Variants in PPP6R3 observed in about 807,000 individuals in gnomAD.
The protein encoded by PPP6R3 is protein phosphatase 6 regulatory subunit 3.
Under a neutral mutation model 110.7 loss-of-function variants are expected in PPP6R3, and 38 were observed. The ratio of observed to expected loss-of-function variants is 0.34; its 90% CI spans 0.26 to 0.45. The LOEUF (loss-of-function observed/expected upper bound fraction) is 0.45. PPP6R3 is among the 20% of genes least tolerant of loss of function. PPP6R3 has a pLI of 1.00. For synonymous variants in PPP6R3, 369 were observed against 373.5 expected (o/e 0.99, Z 0.14); for missense variants, 870 against 1,062.4 (o/e 0.82, Z 2.52).
intron 2 of PPP6R3, among the ~76,000 whole-genome samples, chr11:68,522,036 A>C (rs1045848241): frequency 1.3e-5 from 2 of 152,236 alleles, no homozygotes; most frequent in East Asian, 3.8e-4. Flanking sequence ...TCAGTCCCCA[A>C]GCATATTACT....
chr11:68,508,471 G>A (rs2099090854), intron 1 of PPP6R3, among the ~76,000 whole-genome samples: 1 of 152,084 alleles, frequency 6.6e-6, no homozygotes, highest in Non-Finnish European at 1.5e-5. Context: ...ATATAAGAGT[G>A]ATTTGGGGTA....
At chr11:68,604,818 C>G (rs1027424584) in intron 22 of PPP6R3, among the ~76,000 whole-genome samples, 1 of 152,014 alleles carries the variant, frequency 6.6e-6, no homozygotes, top group Non-Finnish European at 1.5e-5. Context: ...TATTGAAGAC[C>G]TGAATATAAA....
At chr11:68,472,530 C>A (rs2098799375) in intron 1 of PPP6R3, among the ~76,000 whole-genome samples, 1 of 151,854 alleles carries the variant, frequency 6.6e-6, no homozygotes, top group South Asian at 2.1e-4. Context: ...TACCTCACTA[C>A]CAGCACCGTC....
chr11:68,575,217 A>C (rs1433168645), intron 13 of PPP6R3, among the ~76,000 whole-genome samples: 1 of 152,254 alleles, frequency 6.6e-6, no homozygotes, highest in African/African-American at 2.4e-5. Flanking sequence ...CAGGTGGTAC[A>C]TGTGTACACT....
At chr11:68,575,860 C>T in intron 13 of PPP6R3, 98 bp from the exon 14 acceptor site, 1 of 785,064 alleles carries the variant, frequency 1.3e-6, no homozygotes. Context: ...ATTGATGAAC[C>T]AGGTGAGTAG....
At chr11:68,474,827 A>G (rs1447380002) in intron 1 of PPP6R3, among the ~76,000 whole-genome samples, 1 of 152,120 alleles carries the variant, frequency 6.6e-6, no homozygotes, top group African/African-American at 2.4e-5. Context: ...TGTATTTTCA[A>G]ATATATTGGC....
intron 1 of PPP6R3, among the ~76,000 whole-genome samples, chr11:68,461,033 G>T (rs1385804491): frequency 6.6e-6 from 1 of 151,720 alleles, no homozygotes; most frequent in Non-Finnish European, 1.5e-5. Flanking sequence ...GTCCGCTCCT[G>T]TTAGCCGGGG....
At chr11:68,478,183 C>T (rs550565870) in intron 1 of PPP6R3, among the ~76,000 whole-genome samples, 4 of 151,968 alleles carry the variant, frequency 2.6e-5, no homozygotes, top group East Asian at 3.9e-4. Flanking sequence ...CTCCTGATCT[C>T]GTGATACACC....
intron 1 of PPP6R3, among the ~76,000 whole-genome samples, chr11:68,496,167 T>TTTTTC (rs796579364): frequency 4.7e-5 from 7 of 147,570 alleles, no homozygotes; most frequent in Admixed American, 2.8e-4. Flanking sequence ...TTTTTTTGTG[T>TTTTTC]TTTTCTTTTC....
At chr11:68,575,377 T>C (rs2099526671) in intron 13 of PPP6R3, among the ~76,000 whole-genome samples, 1 of 152,238 alleles carries the variant, frequency 6.6e-6, no homozygotes, top group Non-Finnish European at 1.5e-5. Flanking sequence ...AGAATTTCAC[T>C]ATTACCTGTG....
In PPP6R3 at chr11:68,569,743, TGTAGAACATG is replaced by T; in HGVS notation, c.1129-4_1134del. On this transcript the variant is annotated splice_acceptor_variant and splice_polypyrimidine_tract_variant and coding_sequence_variant and intron_variant, in exon 11 of 24. Transcript: ENST00000393800. LOFTEE classifies it high-confidence loss of function. ...CGAATAAAACATGGTTTTTCTTTTT[TGTAGAACATG>T]TTCTTCAAGTATACATGGAATAACT... 6.4e-7 allele frequency: 1 copy of T among 1,568,648 alleles called. No individual in the cohort carries two copies. Among genetic ancestry groups the T allele is most frequent in the South Asian group, 1.2e-5 (1 of 85,108 alleles).
intron 1 of PPP6R3, among the ~76,000 whole-genome samples, chr11:68,475,030 G>A (rs1342516279): frequency 6.6e-6 from 1 of 152,102 alleles, no homozygotes; most frequent in Non-Finnish European, 1.5e-5. Context: ...GTGAACAAAG[G>A]TCTCTGGTTT....
chr11:68,611,629 C>T (rs527934622), intron 23 of PPP6R3, among the ~76,000 whole-genome samples: 158 of 152,102 alleles, frequency 1.0e-3, no homozygotes, highest in Middle Eastern at 3.2e-3. Flanking sequence ...GGTCATAAAG[C>T]TGCAGCACAC....
chr11:68,537,510 A>G (rs2099277020), intron 2 of PPP6R3, 149 bp from the exon 3 acceptor site: 6 of 530,480 alleles, frequency 1.1e-5, no homozygotes, highest in East Asian at 3.1e-5. Flanking sequence ...AACGCATTAA[A>G]AAGTATTTTA....
Position 68,477,747 on chromosome 11 carries a change from T to A in PPP6R3, c.-158+16920T>A, listed in dbSNP as rs1263182955. 1.6e-3 allele frequency among the ~76,000 whole-genome samples: 202 copies of A among 124,168 alleles called. 1 individual carries two copies. Among genetic ancestry groups the A allele is most frequent in the Middle Eastern group, 8.6e-3 (2 of 232 alleles). The allele number at this position is 124,168 out of a possible 152,430, so 81.5% of individuals were successfully genotyped here. A position where few individuals can be genotyped will look rare whatever the true frequency, so the allele number is the denominator to read the frequency against. ...GTCTCTTAAAAAAAAAAAAAATATA[T>A]ATATATATATATATATATATATATA... On this transcript the variant is annotated intron_variant, in intron 1 of 23. Transcript: ENST00000393800.
intron 1 of PPP6R3, among the ~76,000 whole-genome samples, chr11:68,509,744 A>ATTTTTTTTTTTTTTTTTTTTTTTTTTTT (rs59022544): frequency 9.8e-6 from 1 of 102,152 alleles, no homozygotes; most frequent in African/African-American, 3.8e-5. Flanking sequence ...CATGTGGCTA[A>ATTTTTTTTTTTTTTTTTTTTTTTTTTTT]TTTTTTTTTT....
At chr11:68,587,186 C>A (rs541429278) in intron 15 of PPP6R3, 1 of 149,398 alleles carries the variant, frequency 6.7e-6, no homozygotes, top group Non-Finnish European at 1.5e-5. Context: ...ACCCCCCCCC[C>A]CCACATTTTC....
chr11:68,477,728 T>TAAAAAAAAA (rs1181714569), intron 1 of PPP6R3, among the ~76,000 whole-genome samples: 12 of 77,410 alleles, frequency 1.6e-4, no homozygotes, highest in African/African-American at 5.8e-4. Context: ...CATTGTCTCT[T>TAAAAAAAAA]AAAAAAAAAA....
chr11:68,478,515 A>G (rs182550567), intron 1 of PPP6R3, among the ~76,000 whole-genome samples: 8 of 152,210 alleles, frequency 5.3e-5, no homozygotes, highest in Middle Eastern at 3.4e-3. Context: ...TGCCTTATAT[A>G]TCTTTTTCTG....
Sources: allele counts gnomAD v4.1 joint callset (sites outside exome capture counted in the v4.1 genomes callset), GRCh38; gene constraint gnomAD v4.1.1; transcripts MANE v1.5; gene names NCBI Gene and HGNC (gene_info 2026-07-23, HGNC 2026-07-21).